The following CYP3A43 variants were observed in gnomAD, a reference collection of about 807,000 sequenced individuals.
CYP3A43 encodes cytochrome P450 3A43.
A neutral mutation model predicts 58.0 loss-of-function variants in CYP3A43; 45 were observed. The ratio of observed to expected loss-of-function variants is 0.78; its 90% CI spans 0.61 to 0.99. The LOEUF is 0.99. Among genes scored for constraint, CYP3A43 ranks in the 50% least tolerant of loss-of-function variants. CYP3A43 has a pLI of 0.00. For synonymous variants in CYP3A43, 191 were observed against 201.4 expected (o/e 0.95, Z 0.44); for missense variants, 593 against 591.9 (o/e 1.00, Z -0.02).
At chr7:99,847,640 G>C (rs377463854) in intron 5 of CYP3A43, 39 bp downstream of exon 5, 1 of 1,609,186 alleles carries the variant, frequency 6.2e-7, no homozygotes, top group Admixed American at 1.7e-5. Context: ...AAACTTAAAG[G>C]ATGAATCTGG....
chr7:99,856,959 C>T (rs1201391388), intron 9 of CYP3A43, 60 bp downstream of exon 9: 11 of 1,541,798 alleles, frequency 7.1e-6, no homozygotes, highest in Non-Finnish European at 9.7e-6. Flanking sequence ...AGGCCCTGTT[C>T]TGAAAATGTG....
chr7:99,839,465 A>G (rs905178283), intron 3 of CYP3A43: 6 of 596,182 alleles, frequency 1.0e-5, no homozygotes, highest in African/African-American at 5.5e-5. Flanking sequence ...ATTAAGTCAT[A>G]CCTTACTGCC....
intron 3 of CYP3A43, among the ~76,000 whole-genome samples, chr7:99,839,930 CT>C (rs1211710567): frequency 2.0e-5 from 3 of 152,272 alleles, no homozygotes; most frequent in Middle Eastern, 3.4e-3. Flanking sequence ...GCAGATGGTT[CT>C]CTTCCTGGCT....
intron 3 of CYP3A43, among the ~76,000 whole-genome samples, chr7:99,840,954 C>T (rs1318024664): frequency 1.1e-4 from 16 of 152,180 alleles, no homozygotes; most frequent in Admixed American, 9.2e-4. Flanking sequence ...GGAGCTTCTC[C>T]TTCTAGAGAT....
Position 99,849,696 on chromosome 7 carries a change from T to C in CYP3A43, c.670+2T>C, listed in dbSNP as rs754099533. 5 of 1,577,806 alleles carry C rather than the reference T, an allele frequency of 3.2e-6. No individual in the cohort carries two copies. Among genetic ancestry groups the C allele is most frequent in the South Asian group, 2.4e-5 (2 of 84,298 alleles). On this transcript the variant is annotated splice_donor_variant, in intron 7 of 12. Transcript: ENST00000354829. LOFTEE classifies it high-confidence loss of function. ...TGGATCCCTTTTTACTCTTAATATGTATGTGGACTTTTATGTTATTTCTCT... is the reference window on the plus strand; with the variant it reads ...TGGATCCCTTTTTACTCTTAATATGCATGTGGACTTTTATGTTATTTCTCT...
At position 99,830,126 on chromosome 7, in the gene CYP3A43, A is replaced by G. The variant is rs116460018; in HGVS notation, c.71+1940A>G. 1.5e-3 allele frequency among the ~76,000 whole-genome samples: 231 copies of G among 152,308 alleles called. 1 individual carries two copies. The highest frequency in any genetic ancestry group is 4.7e-3 in the African/African-American group (195 of 41,574). The stretch of plus-strand genomic sequence containing the variant: ...CCAACCCTGCTATTTCTCCCAAAAT[A>G]TAGGAAGGGGCTTTCTCTGAAGTTC... On this transcript the variant is annotated intron_variant, in intron 1 of 12. Coordinates refer to ENST00000354829, the MANE Select transcript of CYP3A43 (RefSeq NM_057095.3).
intron 7 of CYP3A43, 42 bp from the exon 8 acceptor site, chr7:99,855,549 A>G (rs374643403): frequency 1.6e-4 from 246 of 1,566,544 alleles, no homozygotes; most frequent in Non-Finnish European, 2.0e-4. Context: ...CACATTTTTC[A>G]CTATGATTTA....
At chr7:99,843,820 G>T (rs181358144) in intron 3 of CYP3A43, among the ~76,000 whole-genome samples, 167 of 152,272 alleles carry the variant, frequency 1.1e-3, no homozygotes, top group Non-Finnish European at 9.9e-4. Flanking sequence ...TATAGGGAAT[G>T]CCCAAGTATA....
intron 1 of CYP3A43, among the ~76,000 whole-genome samples, chr7:99,832,054 GATTC>G (rs1563057671): frequency 6.6e-6 from 1 of 152,112 alleles, no homozygotes; most frequent in Non-Finnish European, 1.5e-5. Context: ...AGAACACTAT[GATTC>G]TTCCAGAGCT....
At position 99,837,032 on chromosome 7, in the gene CYP3A43, G is replaced by A. The variant is rs139032660; in HGVS notation, c.165+486G>A. Among the ~76,000 whole-genome samples the A allele has an allele frequency of 3.1e-3, 472 of 152,034 alleles. 5 individuals carry two copies. Among genetic ancestry groups the A allele is most frequent in the African/African-American group, 8.6e-3 (356 of 41,476 alleles). ...TGAAAATTCAGTTCATTGGCTGGGC[G>A]CGGTGGCTCACGCCTGTAATCCCAG... On this transcript the variant is annotated intron_variant, in intron 2 of 12. Coordinates refer to ENST00000354829, the MANE Select transcript of CYP3A43 (RefSeq NM_057095.3).
intron 9 of CYP3A43, 77 bp downstream of exon 9, chr7:99,856,976 G>A (rs780911699): frequency 4.7e-6 from 7 of 1,495,186 alleles, no homozygotes; most frequent in East Asian, 4.6e-5. Flanking sequence ...TGTGCAGAAA[G>A]TTTTCCAGGA....
intron 11 of CYP3A43, among the ~76,000 whole-genome samples, chr7:99,863,168 C>T (rs534676032): frequency 3.0e-4 from 46 of 152,322 alleles, no homozygotes; most frequent in African/African-American, 1.1e-3. Context: ...TCCCTGTCCA[C>T]ACACCACCAC....
In CYP3A43 at chr7:99,859,742, T is replaced by A. The variant is rs1040986047; in HGVS notation, c.866-88T>A. 4 of 1,548,532 alleles carry A rather than the reference T, an allele frequency of 2.6e-6. No homozygotes were observed. In the African/African-American group the frequency reaches 5.5e-5, roughly 21 times the overall value. On this transcript the variant is annotated intron_variant, in intron 9 of 12. Coordinates refer to ENST00000354829, the MANE Select transcript of CYP3A43 (RefSeq NM_057095.3). ...CTTTTCTATTTTTGCTCTTAGGGAT[T>A]TGGGAGCTTCACTGGAATTTTGCTT... is the stretch of plus-strand genomic sequence containing the variant.
chr7:99,857,272 G>T (rs564369567), intron 9 of CYP3A43, among the ~76,000 whole-genome samples: 12 of 152,162 alleles, frequency 7.9e-5, no homozygotes, highest in Non-Finnish European at 1.6e-4. Flanking sequence ...ATTTTAACTG[G>T]AAACACTTGG....
At chr7:99,863,491 T>G (rs776720793) in intron 11 of CYP3A43, 46 bp from the exon 12 acceptor site, 1 of 1,515,886 alleles carries the variant, frequency 6.6e-7, no homozygotes, top group South Asian at 1.3e-5. Flanking sequence ...GTTTTAATAG[T>G]TTTTATGTTT....
At chr7:99,836,752 C>T (rs533125850) in intron 2 of CYP3A43, among the ~76,000 whole-genome samples, 2 of 152,270 alleles carry the variant, frequency 1.3e-5, no homozygotes, top group South Asian at 2.1e-4. Flanking sequence ...CTCAGTTGCA[C>T]GGCACAGATA....
rs753776095 is a variant in CYP3A43, at chr7:99,847,588, T to C, written c.419T>C (p.Val140Ala). 1.2e-6 allele frequency: 2 copies of C among 1,613,804 alleles called. No individual in the cohort carries two copies. The highest frequency in any genetic ancestry group is 1.7e-6 in the Non-Finnish European group (2 of 1,179,848). The change falls in exon 5 of 13, where the codon GTA becomes GCA. Residue 140 changes from valine (V) to alanine (A), a missense_variant. Physicochemically the swap from Val to Ala is moderately conservative, Grantham distance 64. Coordinates refer to ENST00000354829, the MANE Select transcript of CYP3A43 (RefSeq NM_057095.3). ...RTLLSPAFTS[V>A]KFKEMVPIIS... ...TTGCTATCTCCAGCTTTCACCAGTG[T>C]AAAATTCAAGGAAGTAAGAAAATAA...
At chr7:99,837,164 A>AT (rs1817120052) in intron 2 of CYP3A43, among the ~76,000 whole-genome samples, 1 of 150,592 alleles carries the variant, frequency 6.6e-6, no homozygotes, top group Non-Finnish European at 1.5e-5. Context: ...AAAAAAAAAA[A>AT]AAAAATTAGC....
chr7:99,862,085 T>C (rs1015153899), intron 11 of CYP3A43, among the ~76,000 whole-genome samples: 7 of 152,198 alleles, frequency 4.6e-5, no homozygotes, highest in African/African-American at 1.4e-4. Flanking sequence ...TAAAAACTAG[T>C]ATACTATCAC....
Sources: allele counts gnomAD v4.1 joint callset (sites outside exome capture counted in the v4.1 genomes callset), GRCh38; gene constraint gnomAD v4.1.1; transcripts MANE v1.5; gene names NCBI Gene and HGNC (gene_info 2026-07-23, HGNC 2026-07-21).